The following GPC5 variants were observed in gnomAD, a reference collection of about 807,000 sequenced individuals.
The protein encoded by GPC5 is glypican 5.
Under a neutral mutation model 53.9 loss-of-function variants are expected in GPC5, and 47 were observed. The observed-to-expected ratio is 0.87, with a 90% CI of 0.69 to 1.11. The LOEUF (loss-of-function observed/expected upper bound fraction) is 1.11, where lower values mean the gene tolerates loss of function less well. Ranked by LOEUF, GPC5 falls within the 50% of genes most tolerant of loss-of-function variation. GPC5 has a pLI of 0.00. For missense variants in GPC5, 748 were observed against 713.1 expected, an observed-to-expected ratio of 1.05 and a Z score of -0.56; for synonymous variants, 286 against 263.3, an observed-to-expected ratio of 1.09 and a Z score of -0.84.
intron 6 of GPC5, among the ~76,000 whole-genome samples, chr13:91,972,389 C>T (rs1288826243): frequency 3.9e-5 from 6 of 152,118 alleles, no homozygotes; most frequent in Non-Finnish European, 2.9e-5. Flanking sequence ...TTCCTGAATA[C>T]AGCACACTGA....
At chr13:91,433,211 T>A (rs573639763) in intron 1 of GPC5, among the ~76,000 whole-genome samples, 37 of 152,106 alleles carry the variant, frequency 2.4e-4, no homozygotes, top group South Asian at 1.3e-3. Context: ...TTTTTTTTTT[T>A]AATTATACTT....
intron 6 of GPC5, among the ~76,000 whole-genome samples, chr13:92,126,090 G>T (rs974313878): frequency 4.0e-5 from 6 of 151,576 alleles, no homozygotes; most frequent in Admixed American, 3.9e-4. Flanking sequence ...GAGTAGCTGG[G>T]ATTATAGGCA....
At chr13:91,725,980 T>C (rs966118123) in intron 3 of GPC5, among the ~76,000 whole-genome samples, 17 of 152,196 alleles carry the variant, frequency 1.1e-4, no homozygotes, top group African/African-American at 4.1e-4. Context: ...TGTGGCCAAA[T>C]AATCTTACTC....
intron 7 of GPC5, among the ~76,000 whole-genome samples, chr13:92,454,450 C>T (rs566437305): frequency 2.0e-5 from 3 of 152,296 alleles, no homozygotes; most frequent in East Asian, 3.9e-4. Context: ...CAAGATTCAA[C>T]GGAATGGCCT....
intron 7 of GPC5, among the ~76,000 whole-genome samples, chr13:92,337,075 C>G (rs2043329113): frequency 6.6e-6 from 1 of 151,922 alleles, no homozygotes; most frequent in Admixed American, 6.6e-5. Flanking sequence ...TTTTGGAGCT[C>G]CAATTCAAGA....
At position 91,564,583 on chromosome 13, in the gene GPC5, C is replaced by T. The variant is rs1333545431; in HGVS notation, c.325+115661C>T. Reference sequence around the variant, plus strand: ...TTTTAATGTATTTGCAAAGCAATCTCATGAGCATGTAACTCAGAACAGCAT... The same window carrying T: ...TTTTAATGTATTTGCAAAGCAATCTTATGAGCATGTAACTCAGAACAGCAT... On this transcript the variant is annotated intron_variant, in intron 2 of 7. Coordinates refer to ENST00000377067, the MANE Select transcript of GPC5 (RefSeq NM_004466.6). Among the ~76,000 whole-genome samples the T allele has an allele frequency of 2.6e-5, 4 of 152,172 alleles. No homozygotes were observed. In the East Asian group the frequency reaches 7.7e-4, roughly 29 times the overall value.
At chr13:92,136,621 AAAT>A (rs1396987810) in intron 6 of GPC5, among the ~76,000 whole-genome samples, 1 of 152,200 alleles carries the variant, frequency 6.6e-6, no homozygotes, top group Non-Finnish European at 1.5e-5. Flanking sequence ...ATATCTGTGT[AAAT>A]GATCGTAAGA....
intron 7 of GPC5, among the ~76,000 whole-genome samples, chr13:92,478,002 T>G (rs539824447): frequency 6.6e-6 from 1 of 152,278 alleles, no homozygotes; most frequent in African/African-American, 2.4e-5. Context: ...TCTTAAATAT[T>G]TTGGCTTTAG....
chr13:92,599,503 A>C (rs535228721), intron 7 of GPC5, among the ~76,000 whole-genome samples: 6 of 152,196 alleles, frequency 3.9e-5, no homozygotes, highest in Non-Finnish European at 7.3e-5. Context: ...GTCAAGCAGG[A>C]CATACTAGAA....
At chr13:91,451,625 T>TTC in intron 2 of GPC5, among the ~76,000 whole-genome samples, 1 of 151,398 alleles carries the variant, frequency 6.6e-6, no homozygotes, top group East Asian at 2.0e-4. Context: ...TGTTTGTTTT[T>TTC]TTTTTTCCCC....
At chr13:91,501,245 T>G (rs1379486288) in intron 2 of GPC5, among the ~76,000 whole-genome samples, 4 of 151,484 alleles carry the variant, frequency 2.6e-5, no homozygotes, top group South Asian at 2.1e-4. Flanking sequence ...ACTTTGTTTT[T>G]TTTTTTTTTT....
chr13:92,381,911 T>TTATATATATC (rs1364589576), intron 7 of GPC5, among the ~76,000 whole-genome samples: 1 of 135,818 alleles, frequency 7.4e-6, no homozygotes, highest in African/African-American at 2.8e-5. Flanking sequence ...ATATATATGA[T>TTATATATATC]ATATATAATC....
intron 5 of GPC5, among the ~76,000 whole-genome samples, chr13:91,768,353 T>C (rs1190389404): frequency 6.6e-6 from 1 of 152,192 alleles, no homozygotes; most frequent in Admixed American, 6.6e-5. Flanking sequence ...AAAAAACTTC[T>C]ACAAAATTTG....
chr13:92,151,592 T>G (rs1222082078), intron 7 of GPC5, among the ~76,000 whole-genome samples: 1 of 152,216 alleles, frequency 6.6e-6, no homozygotes, highest in Non-Finnish European at 1.5e-5. Context: ...ATTTTTAGCA[T>G]GAGGTTTACT....
At chr13:91,726,947 G>A (rs1163926355) in intron 3 of GPC5, among the ~76,000 whole-genome samples, 1 of 152,172 alleles carries the variant, frequency 6.6e-6, no homozygotes, top group Non-Finnish European at 1.5e-5. Flanking sequence ...ATGATGGCAT[G>A]TTTATGTCTT....
Position 91,900,516 on chromosome 13 carries a change from A to G in GPC5, c.1281-7421A>G, listed in dbSNP as rs2039486986. ...CGTATAGCATTATTGGTAATTGATT[A>G]TAGTTATAATTGATCATTTCATATT... On this transcript the variant is annotated intron_variant, in intron 5 of 7. Coordinates refer to ENST00000377067, the MANE Select transcript of GPC5 (RefSeq NM_004466.6). Among the ~76,000 whole-genome samples, 3 of 152,136 alleles carry G rather than the reference A, an allele frequency of 2.0e-5. No homozygotes were observed. In the South Asian group the frequency reaches 6.2e-4, roughly 31 times the overall value.
intron 7 of GPC5, among the ~76,000 whole-genome samples, chr13:92,631,339 G>T (rs1308645455): frequency 1.3e-5 from 2 of 152,066 alleles, no homozygotes; most frequent in Non-Finnish European, 2.9e-5. Flanking sequence ...TTTCTAGACA[G>T]CCAAGTTTAT....
chr13:92,511,956 A>C (rs1445329176), intron 7 of GPC5, among the ~76,000 whole-genome samples: 1 of 152,132 alleles, frequency 6.6e-6, no homozygotes, highest in Non-Finnish European at 1.5e-5. Context: ...AAAATAGAAC[A>C]TCCCTGTAGT....
chr13:92,494,057 TTTTTTTG>T (rs1440457245), intron 7 of GPC5, among the ~76,000 whole-genome samples: 22 of 102,618 alleles, frequency 2.1e-4, no homozygotes, highest in Middle Eastern at 0.01. Flanking sequence ...ACTTTGTGTT[TTTTTTTG>T]TTTGTTTGTT....
Sources: gnomAD v4.1 joint callset for allele counts (sites outside exome capture counted in the v4.1 genomes callset) on GRCh38, gnomAD v4.1.1 for gene constraint, MANE v1.5 for transcripts, NCBI Gene and HGNC (gene_info 2026-07-23, HGNC 2026-07-21) for gene names.